The following FANCD2 variants were observed in gnomAD, a reference collection of about 807,000 sequenced individuals.
The protein encoded by FANCD2 is FA complementation group D2.
FANCD2 carries 131 observed loss-of-function variants against 192.3 expected under a neutral mutation model. That is an observed-to-expected ratio of 0.68 (90% CI 0.59 to 0.79). FANCD2 has a LOEUF of 0.79. FANCD2 is among the 30% of genes least tolerant of loss of function. FANCD2 has a pLI of 0.00. For missense variants in FANCD2, 1,508 were observed against 1,701.6 expected (o/e 0.89, Z 2.00); for synonymous variants, 524 against 612.5 (o/e 0.86, Z 2.13).
chr3:10,081,310 C>T (rs773534988), intron 31 of FANCD2, 36 bp from the exon 32 acceptor site: 1 of 1,611,108 alleles, frequency 6.2e-7, no homozygotes, highest in South Asian at 1.1e-5. Flanking sequence ...AGGACAATTA[C>T]TGAAGCAACT....
At chr3:10,073,479 ACT>A in intron 28 of FANCD2, 117 bp downstream of exon 28, 3 of 853,852 alleles carry the variant, frequency 3.5e-6, no homozygotes, top group Non-Finnish European at 6.1e-6. Flanking sequence ...GCGAGCCAAA[ACT>A]CTCTTAGGCG....
At chr3:10,101,108 G>T in intron 43 of FANCD2, 80 bp from the exon 44 acceptor site, 4 of 1,043,610 alleles carry the variant, frequency 3.8e-6, no homozygotes, top group Non-Finnish European at 6.0e-6. Flanking sequence ...GTACAGTTGT[G>T]TATCCTCTAG....
In FANCD2 at chr3:10,085,745, A is replaced by T. The variant is rs1347595357; in HGVS notation, c.3225-67A>T. 1.3e-5 allele frequency: 13 copies of T among 1,009,976 alleles called. No individual in the cohort carries two copies. In the Admixed American group the frequency reaches 2.2e-4, roughly 17 times the overall value. 62.6% of individuals were successfully genotyped at this position (1,009,976 alleles called of 1,614,324 possible). ...TTGATGGTACAGACTGGAGGCCAGG[A>T]TCCTTAAATACTATCCAAGTAGTTT... On this transcript the variant is annotated intron_variant, in intron 32 of 43. Coordinates refer to ENST00000675286, the MANE Select transcript of FANCD2 (RefSeq NM_001018115.3).
chr3:10,060,070 G>C (rs1382075434), intron 18 of FANCD2, among the ~76,000 whole-genome samples: 1 of 151,858 alleles, frequency 6.6e-6, no homozygotes, highest in Non-Finnish European at 1.5e-5. Flanking sequence ...AGGAGGCTGA[G>C]GCAGGAGAAT....
chr3:10,035,954 A>G (rs2124977438), intron 6 of FANCD2, among the ~76,000 whole-genome samples: 1 of 152,270 alleles, frequency 6.6e-6, no homozygotes, highest in South Asian at 2.1e-4. Flanking sequence ...CAGAAGACAA[A>G]TTAAGTCTTT....
intron 32 of FANCD2, among the ~76,000 whole-genome samples, chr3:10,081,982 C>A (rs932558770): frequency 6.6e-6 from 1 of 152,190 alleles, no homozygotes. Context: ...TCTCATTATA[C>A]AAGATTTCTG....
At chr3:10,066,114 A>G in intron 25 of FANCD2, 135 bp downstream of exon 25, 1 of 675,194 alleles carries the variant, frequency 1.5e-6, no homozygotes, top group Non-Finnish European at 2.7e-6. Flanking sequence ...GTTATGTCCC[A>G]CCACTCCCCA....
At chr3:10,029,402 G>A (rs1254386127) in intron 2 of FANCD2, among the ~76,000 whole-genome samples, 3 of 152,168 alleles carry the variant, frequency 2.0e-5, no homozygotes, top group Admixed American at 6.5e-5. Context: ...TGAGGAGGCT[G>A]AAGTGGAAGG....
In FANCD2 at chr3:10,088,482, G is replaced by A. The variant is rs2125076610; in HGVS notation, c.3500G>A (p.Trp1167Ter). Residue 1167 changes from tryptophan to a stop codon, truncating the protein, a stop_gained, in exon 35 of 44, where the codon TGG becomes TAG. Transcript: ENST00000675286. LOFTEE classifies it high-confidence loss of function. ...SLARQFLCRV[W>*]PSGDKEKSNI... is the part of the protein sequence containing the mutation. Reference sequence around the variant, plus strand: ...GCCAGACAATTCCTCTGTCGGGTGTGGCCAAGTGGGGATAAAGAGAAGAGC... The same window carrying A: ...GCCAGACAATTCCTCTGTCGGGTGTAGCCAAGTGGGGATAAAGAGAAGAGC... 6.2e-7 allele frequency: 1 copy of A among 1,612,262 alleles called. No individual in the cohort carries two copies. The highest frequency in any genetic ancestry group is 1.3e-5 in the African/African-American group (1 of 75,002).
At chr3:10,100,756 G>A (rs1695252704) in intron 43 of FANCD2, among the ~76,000 whole-genome samples, 1 of 152,124 alleles carries the variant, frequency 6.6e-6, no homozygotes, top group South Asian at 2.1e-4. Flanking sequence ...TAGAGCTGGA[G>A]GACCATAGCT....
At chr3:10,070,042 G>C (rs1353296815) in intron 26 of FANCD2, among the ~76,000 whole-genome samples, 15 of 142,376 alleles carry the variant, frequency 1.1e-4, no homozygotes, top group Admixed American at 8.5e-4. Context: ...GCCACCCATC[G>C]TCTGAGATGT....
intron 6 of FANCD2, among the ~76,000 whole-genome samples, chr3:10,035,808 C>G (rs1273074017): frequency 2.0e-5 from 3 of 152,092 alleles, no homozygotes; most frequent in East Asian, 1.9e-4. Flanking sequence ...TCCCTTGTTC[C>G]TCCTGAGAGC....
chr3:10,043,571 C>A lies in FANCD2; in HGVS notation c.1077C>A (p.Thr359=), dbSNP rs2086920558. 1 of 1,612,548 alleles carries A rather than the reference C, an allele frequency of 6.2e-7. No homozygotes were observed. Among genetic ancestry groups the A allele is most frequent in the Admixed American group, 1.7e-5 (1 of 59,974 alleles). Residue 359 remains threonine, a synonymous_variant, in exon 13 of 44, where the codon ACC becomes ACA. Transcript: ENST00000675286. ...AGTCAGCTATTAGATATGAGAAAACCATTTCAGAAGCCTGGATTAAGGTGA... is the reference window on the plus strand; with the variant it reads ...AGTCAGCTATTAGATATGAGAAAACAATTTCAGAAGCCTGGATTAAGGTGA... The part of the protein sequence containing the change: ...VIKSAIRYEK[T]ISEAWIKAIE...
chr3:10,051,921 A>G (rs1429573533), intron 17 of FANCD2, among the ~76,000 whole-genome samples: 1 of 152,170 alleles, frequency 6.6e-6, no homozygotes, highest in Non-Finnish European at 1.5e-5. Flanking sequence ...GAAATAATTC[A>G]TTGAGTAGAA....
intron 2 of FANCD2, among the ~76,000 whole-genome samples, chr3:10,031,288 G>A (rs1455340607): frequency 3.9e-5 from 6 of 152,170 alleles, no homozygotes; most frequent in African/African-American, 9.7e-5. Context: ...CAGATCACGA[G>A]GTCAGGAGAT....
Position 10,079,234 on chromosome 3 carries a change from ACT to A in FANCD2, c.2976+1040_2976+1041del, listed in dbSNP as rs750770422. Among the ~76,000 whole-genome samples, 59 of 151,586 alleles carry A rather than the reference ACT, an allele frequency of 3.9e-4. 1 individual carries two copies. Among genetic ancestry groups the A allele is most frequent in the Non-Finnish European group, 3.5e-4 (24 of 67,924 alleles). Reference sequence around the variant, plus strand: ...ACTCCAGCCTGGGCATTAGAACAAGACTCTGTCTCAGAAATAAAAAAAAAAAA... The same window carrying A: ...ACTCCAGCCTGGGCATTAGAACAAGACTGTCTCAGAAATAAAAAAAAAAAA... On this transcript the variant is annotated intron_variant, in intron 30 of 43. Transcript: ENST00000675286.
At chr3:10,038,617 G>A (rs949533508) in intron 7 of FANCD2, among the ~76,000 whole-genome samples, 2 of 131,932 alleles carry the variant, frequency 1.5e-5, no homozygotes, top group Non-Finnish European at 3.1e-5. Flanking sequence ...TCTTGGCTCT[G>A]TCACCCAGGC....
intron 1 of FANCD2, among the ~76,000 whole-genome samples, chr3:10,026,887 C>G (rs866720701): frequency 1.4e-4 from 22 of 152,060 alleles, no homozygotes; most frequent in East Asian, 7.7e-4. Context: ...GCACAGGGCC[C>G]GGTACCTCGT....
At chr3:10,029,758 C>T (rs961786894) in intron 2 of FANCD2, among the ~76,000 whole-genome samples, 4 of 152,104 alleles carry the variant, frequency 2.6e-5, no homozygotes, top group Admixed American at 6.6e-5. Flanking sequence ...CTTGAGTATC[C>T]AAAGTCCATT....
Sources: gnomAD v4.1 joint callset for allele counts (sites outside exome capture counted in the v4.1 genomes callset) on GRCh38, gnomAD v4.1.1 for gene constraint, MANE v1.5 for transcripts, NCBI Gene and HGNC (gene_info 2026-07-23, HGNC 2026-07-21) for gene names.